The following DISC1 variants were observed in gnomAD, a reference collection of about 807,000 sequenced individuals.
DISC1 encodes DISC1 scaffold protein.
Under a neutral mutation model 84.5 loss-of-function variants are expected in DISC1, and 57 were observed. That is an observed-to-expected ratio of 0.67 (90% CI 0.55 to 0.84). The LOEUF (loss-of-function observed/expected upper bound fraction) is 0.84. DISC1 is among the 40% of genes least tolerant of loss of function. The pLI is 0.00. For missense variants in DISC1, 1,000 were observed against 1,057.8 expected (o/e 0.95, Z 0.76); for synonymous variants, 411 against 415.2 (o/e 0.99, Z 0.12).
intron 9 of DISC1, among the ~76,000 whole-genome samples, chr1:231,863,891 C>T (rs1263737881): frequency 3.3e-5 from 5 of 150,572 alleles, no homozygotes; most frequent in East Asian, 1.9e-4. Context: ...AGAATCAAAG[C>T]GGTTATTCAA....
chr1:231,699,211 G>A (rs1419242631), intron 2 of DISC1, among the ~76,000 whole-genome samples: 1 of 152,152 alleles, frequency 6.6e-6, no homozygotes. Context: ...ACCCTGTTCA[G>A]CAGAACAAGG....
In DISC1 at chr1:231,954,281, G is replaced by A. The variant is rs1659006528; in HGVS notation, c.1982-4547G>A. On this transcript the variant is annotated intron_variant, in intron 9 of 12. Transcript: ENST00000439617. The surrounding 1 kb of genome is among the most constrained non-coding windows in gnomAD (Gnocchi z 4.8). ...GCCGTGTCCTTTTTCTATTTAATTA[G>A]TGCCAAGTATATGGTCTTGCATGAA... 6.6e-6 allele frequency among the ~76,000 whole-genome samples: 1 copy of A among 152,160 alleles called. No individual in the cohort carries two copies. Among genetic ancestry groups the A allele is most frequent in the African/African-American group, 2.4e-5 (1 of 41,434 alleles).
chr1:231,935,488 C>T (rs1301669197), intron 9 of DISC1, among the ~76,000 whole-genome samples: 1 of 152,110 alleles, frequency 6.6e-6, no homozygotes, highest in African/African-American at 2.4e-5. Flanking sequence ...TAAAATTGTT[C>T]AGCAATAGAT....
chr1:231,724,505 G>A (rs1178941319), intron 3 of DISC1, among the ~76,000 whole-genome samples: 4 of 152,166 alleles, frequency 2.6e-5, no homozygotes, highest in Admixed American at 2.0e-4. Flanking sequence ...GGGAACCAGC[G>A]TACAATAACC....
chr1:231,707,778 A>G (rs893902714), intron 3 of DISC1, among the ~76,000 whole-genome samples: 1 of 152,150 alleles, frequency 6.6e-6, no homozygotes, highest in Non-Finnish European at 1.5e-5. Context: ...AAAAGACACA[A>G]TCCTGAATGC....
chr1:232,037,505 T>C lies in DISC1; in HGVS notation c.*674T>C, dbSNP rs934698540. 4.2e-4 allele frequency: 64 copies of C among 152,364 alleles called. No individual in the cohort carries two copies. Among genetic ancestry groups the C allele is most frequent in the African/African-American group, 1.5e-3 (63 of 41,594 alleles). The allele number at this position is 152,364 out of a possible 1,614,324, so 9.4% of individuals were successfully genotyped here. A position where few individuals can be genotyped will look rare whatever the true frequency, so the allele number is the denominator to read the frequency against. ...AAGAAAGGATCCCTGAGAGTCTCTG[T>C]TTCATCAGGACATTCTGAAATTTAC... On this transcript the variant is annotated 3_prime_UTR_variant, in exon 13 of 13. Transcript: ENST00000439617.
chr1:231,970,896 G>A (rs1358524257), intron 10 of DISC1, among the ~76,000 whole-genome samples: 1 of 152,138 alleles, frequency 6.6e-6, no homozygotes, highest in East Asian at 1.9e-4. Flanking sequence ...TCTTTAAGTT[G>A]GCAGAAAGAC....
At chr1:231,720,795 G>A (rs570087648) in intron 3 of DISC1, 3 of 1,226,482 alleles carry the variant, frequency 2.4e-6, no homozygotes, top group Non-Finnish European at 3.2e-6. Flanking sequence ...TAGTCACAGG[G>A]CAGAAGTGGT....
intron 9 of DISC1, among the ~76,000 whole-genome samples, chr1:231,831,468 A>G (rs55877530): frequency 0.31 from 45,751 of 149,934 alleles, 5,270 homozygotes; most frequent in East Asian, 0.36. Flanking sequence ...AAGTTTCAGC[A>G]GGGGAGTAGG....
At chr1:231,733,586 T>G (rs2071961820) in intron 3 of DISC1, among the ~76,000 whole-genome samples, 1 of 149,486 alleles carries the variant, frequency 6.7e-6, no homozygotes, top group African/African-American at 2.5e-5. Context: ...ATGGTGGGAG[T>G]GATGGTGGTA....
At chr1:231,755,969 T>C (rs989188779) in intron 4 of DISC1, among the ~76,000 whole-genome samples, 1 of 152,238 alleles carries the variant, frequency 6.6e-6, no homozygotes, top group Admixed American at 6.5e-5. Flanking sequence ...AGAAGTATTA[T>C]GTTATGCTCA....
At chr1:231,925,170 A>G (rs11811961) in intron 9 of DISC1, among the ~76,000 whole-genome samples, 1 of 152,136 alleles carries the variant, frequency 6.6e-6, no homozygotes, top group Admixed American at 6.5e-5. Context: ...TCAGAATGGC[A>G]TACAGTTAAA....
At chr1:231,741,077 G>A (rs2073204029) in intron 3 of DISC1, among the ~76,000 whole-genome samples, 1 of 152,222 alleles carries the variant, frequency 6.6e-6, no homozygotes, top group South Asian at 2.1e-4. Context: ...TGTTGGTGAT[G>A]TGTGGAAACC....
At chr1:232,015,923 A>C (rs1668457440) in intron 11 of DISC1, among the ~76,000 whole-genome samples, 1 of 152,082 alleles carries the variant, frequency 6.6e-6, no homozygotes, top group Admixed American at 6.5e-5. Context: ...TGCTCATATG[A>C]TTAGGAACCT....
chr1:231,875,424 C>A (rs7549204), intron 9 of DISC1, among the ~76,000 whole-genome samples: 32,851 of 152,020 alleles, frequency 0.22, 3,598 homozygotes, highest in Middle Eastern at 0.29. Flanking sequence ...GGCGCTCTGG[C>A]AATGTCTGCT....
chr1:231,984,915 C>A (rs949590908), intron 10 of DISC1, among the ~76,000 whole-genome samples: 1 of 152,080 alleles, frequency 6.6e-6, no homozygotes, highest in East Asian at 1.9e-4. Context: ...GGGTCAAGAA[C>A]GTAGATTTTG....
intron 9 of DISC1, among the ~76,000 whole-genome samples, chr1:231,937,085 G>A (rs974366653): frequency 6.6e-6 from 1 of 152,158 alleles, no homozygotes; most frequent in Non-Finnish European, 1.5e-5. Context: ...ACAGCAGTGT[G>A]AGACAAAAAT....
intron 3 of DISC1, among the ~76,000 whole-genome samples, chr1:231,738,341 C>T (rs898284490): frequency 1.3e-5 from 2 of 152,190 alleles, no homozygotes; most frequent in Non-Finnish European, 2.9e-5. Flanking sequence ...ACATTGCATG[C>T]AGTTGTTGTA....
intron 10 of DISC1, among the ~76,000 whole-genome samples, chr1:231,970,679 TAGAC>T (rs1661821051): frequency 6.6e-6 from 1 of 152,060 alleles, no homozygotes; most frequent in African/African-American, 2.4e-5. Flanking sequence ...GAATAGAAAA[TAGAC>T]AGGAGATTGA....
Sources: gnomAD v4.1 joint callset for allele counts (sites outside exome capture counted in the v4.1 genomes callset) on GRCh38, gnomAD v4.1.1 for gene constraint, Gnocchi (gnomAD v3.1) non-coding constraint, MANE v1.5 for transcripts, NCBI Gene and HGNC (gene_info 2026-07-23, HGNC 2026-07-21) for gene names.